KDM2B: variants seen among roughly 807,000 people sequenced by gnomAD.
KDM2B encodes lysine-specific demethylase 2B.
KDM2B carries 26 observed loss-of-function variants against 150.0 expected under a neutral mutation model. The observed-to-expected ratio is 0.17, with a 90% confidence interval of 0.13 to 0.24. The LOEUF (loss-of-function observed/expected upper bound fraction) is 0.24, where lower values mean the gene tolerates loss of function less well. Ranked by LOEUF, KDM2B falls within the 10% of genes least tolerant of loss-of-function variation. KDM2B has a pLI of 1.00. For synonymous variants in KDM2B, 734 were observed against 729.5 expected, an observed-to-expected ratio of 1.01 and a Z score of -0.10; for missense variants, 1,265 against 1,816.9, an observed-to-expected ratio of 0.70 and a Z score of 5.52.
At chr12:121,419,278 A>G in the KDM2B span, among the ~76,000 whole-genome samples, 1 of 152,226 alleles carries the variant, frequency 6.6e-6, no homozygotes, top group Non-Finnish European at 1.5e-5. Flanking sequence ...CATGCCCTAT[A>G]GCCTAGGTGT....
intron 12 of KDM2B, among the ~76,000 whole-genome samples, chr12:121,492,720 T>A (rs1390835959): frequency 6.6e-6 from 1 of 150,682 alleles, no homozygotes; most frequent in Non-Finnish European, 1.5e-5. Context: ...TCCCAGCTAC[T>A]CAGGAGACTG....
Position 121,431,295 on chromosome 12 carries a change from C to CTTT in KDM2B, c.3830-829_3830-827dup, listed in dbSNP as rs71453557. Among the ~76,000 whole-genome samples, 227 of 98,948 alleles carry CTTT rather than the reference C, an allele frequency of 2.3e-3. 18 individuals carry two copies. The highest frequency in any genetic ancestry group is 7.5e-3 in the African/African-American group (163 of 21,690). 64.9% of individuals were successfully genotyped at this position (98,948 alleles called of 152,430 possible). A position where few individuals can be genotyped will look rare whatever the true frequency, so the allele number is the denominator to read the frequency against. The stretch of plus-strand genomic sequence containing the variant: ...TATAGGCGTGTGCCACCATGTGCAA[C>CTTT]TTTTTTTTTTTTTTTTTTTTTTTTT... On this transcript the variant is annotated intron_variant, in intron 22 of 22. Coordinates refer to ENST00000377071, the MANE Select transcript of KDM2B (RefSeq NM_032590.5).
rs1594175175 is a variant in KDM2B at position 121,579,794 on chromosome 12, A to C, written c.127-848T>G. The C allele has an allele frequency of 6.3e-5, 75 of 1,198,830 alleles. 1 individual carries two copies. In the East Asian group the frequency reaches 2.3e-3, roughly 36 times the overall value. The allele number at this position is 1,198,830 out of a possible 1,614,324, so 74.3% of individuals were successfully genotyped here. A position where few individuals can be genotyped will look rare whatever the true frequency, so the allele number is the denominator to read the frequency against. On this transcript the variant is annotated intron_variant, in intron 1 of 22. Transcript: ENST00000377071. ...CCCCTCCACGCCTTTCCCCGATACC[A>C]CCTCCCCACTTAAGTGTCTGAGACT...
At chr12:121,496,840 C>G (rs947172960) in intron 11 of KDM2B, among the ~76,000 whole-genome samples, 1 of 151,248 alleles carries the variant, frequency 6.6e-6, no homozygotes. Flanking sequence ...AGGTGTGAGC[C>G]CCCCAAAGTG....
chr12:121,462,806 G>A (rs931270733), intron 12 of KDM2B, among the ~76,000 whole-genome samples: 2 of 151,978 alleles, frequency 1.3e-5, no homozygotes, highest in Non-Finnish European at 2.9e-5. Context: ...AAATTTCACT[G>A]TTTAAGAAGC....
At chr12:121,523,516 C>T (rs1260893195) in intron 8 of KDM2B, among the ~76,000 whole-genome samples, 7 of 152,216 alleles carry the variant, frequency 4.6e-5, no homozygotes, top group South Asian at 2.1e-4. Context: ...CCCCCAAGCC[C>T]GAGCGGTTCC....
rs534573156 is a variant in KDM2B, at chr12:121,533,557, T to C, written c.778-598A>G. Among the ~76,000 whole-genome samples, 2 of 152,224 alleles carry C rather than the reference T, an allele frequency of 1.3e-5. No homozygotes were observed. Among genetic ancestry groups the C allele is most frequent in the East Asian group, 3.9e-4 (2 of 5,184 alleles). On this transcript the variant is annotated intron_variant, in intron 7 of 22. Coordinates refer to ENST00000377071, the MANE Select transcript of KDM2B (RefSeq NM_032590.5). The surrounding 1 kb of genome is among the most constrained non-coding windows in gnomAD (Gnocchi z 4.1). Reference sequence around the variant, plus strand: ...CACAGGGAGCACCCTTAGCATTCTGTCCCCAGTGCAAAATGTTCCTAGAGG... The same window carrying C: ...CACAGGGAGCACCCTTAGCATTCTGCCCCCAGTGCAAAATGTTCCTAGAGG...
At position 121,467,321 on chromosome 12, in the gene KDM2B, C is replaced by A. The variant is rs1177938162; in HGVS notation, c.1735-13977G>T. Reference sequence around the variant, plus strand: ...GCCCTGGCTCGGGCTCGGGCTCGGGCTCGGGCTCCCGCTGCCGCGAGGAGG... The same window carrying A: ...GCCCTGGCTCGGGCTCGGGCTCGGGATCGGGCTCCCGCTGCCGCGAGGAGG... On this transcript the variant is annotated intron_variant, in intron 12 of 22. Transcript: ENST00000377071. The surrounding 1 kb of genome is among the most constrained non-coding windows in gnomAD (Gnocchi z 5.1). The A allele has an allele frequency of 7.5e-5, 74 of 982,882 alleles. No homozygotes were observed. In the African/African-American group the frequency reaches 1.2e-3, roughly 16 times the overall value. 60.9% of individuals were successfully genotyped at this position (982,882 alleles called of 1,614,324 possible). A position where few individuals can be genotyped will look rare whatever the true frequency, so the allele number is the denominator to read the frequency against.
chr12:121,411,721 G>A, the KDM2B span, among the ~76,000 whole-genome samples: 29 of 152,256 alleles, frequency 1.9e-4, no homozygotes, highest in South Asian at 5.6e-3. Context: ...ATACCATGGT[G>A]GAAAGAGGAG....
Position 121,575,132 on chromosome 12 carries a change from C to A in KDM2B, c.351-539G>T, listed in dbSNP as rs1229270209. ...ATGCCCAAGGTTTAAATCCTACTCA[C>A]AGGGATGGACTCTTGAGCAAGTCTG... On this transcript the variant is annotated intron_variant, in intron 3 of 22. Transcript: ENST00000377071. This position sits in a 1 kb window ranked among gnomAD's most constrained non-coding sequence, Gnocchi z 4.4. Among the ~76,000 whole-genome samples the A allele has an allele frequency of 6.6e-6, 1 of 152,230 alleles. No individual in the cohort carries two copies. The highest frequency in any genetic ancestry group is 1.5e-5 in the Non-Finnish European group (1 of 68,048).
At position 121,444,164 on chromosome 12, in the gene KDM2B, T is replaced by C; in HGVS notation, c.2299A>G (p.Arg767Gly). The stretch of plus-strand genomic sequence containing the variant: ...CGGGGCGCCTCCTCACACTCACTCC[T>C]CCGCTTGGCAGGTTCCTGCCCTTCC... ...NKEGQEPAKR[R>G]SECEEAPRRR... Residue 767 changes from arginine to glycine, a missense_variant, in exon 16 of 23, where the codon AGG becomes GGG. Transcript: ENST00000377071. 6.2e-7 allele frequency: 1 copy of C among 1,612,576 alleles called. No homozygotes were observed. Among genetic ancestry groups the C allele is most frequent in the Non-Finnish European group, 8.5e-7 (1 of 1,180,036 alleles).
the KDM2B span, among the ~76,000 whole-genome samples, chr12:121,413,864 C>G: frequency 6.6e-6 from 1 of 152,066 alleles, no homozygotes; most frequent in Non-Finnish European, 1.5e-5. Context: ...TGTGAGCCAC[C>G]GCGCCCGGCT....
Position 121,513,536 on chromosome 12 carries a change from G to C in KDM2B, c.1048-134C>G, listed in dbSNP as rs534796470. 1.6e-5 allele frequency: 16 copies of C among 991,298 alleles called. No homozygotes were observed. The highest frequency in any genetic ancestry group is 2.1e-5 in the Non-Finnish European group (14 of 667,732). 61.4% of individuals were successfully genotyped at this position (991,298 alleles called of 1,614,324 possible). ...TCTTAGCGAGAGCATGGATGGTCGG[G>C]GGAGAAATGGTGGGGTGCTGGAAGG... On this transcript the variant is annotated intron_variant, in intron 9 of 22. Coordinates refer to ENST00000377071, the MANE Select transcript of KDM2B (RefSeq NM_032590.5). The surrounding 1 kb of genome is among the most constrained non-coding windows in gnomAD (Gnocchi z 5.0).
At chr12:121,483,146 G>A (rs1882343784) in intron 12 of KDM2B, among the ~76,000 whole-genome samples, 1 of 151,682 alleles carries the variant, frequency 6.6e-6, no homozygotes, top group African/African-American at 2.4e-5. Flanking sequence ...CTGGGCAACA[G>A]AGCAAGACCC....
chr12:121,425,505 G>A (rs1323711869), downstream of KDM2B, among the ~76,000 whole-genome samples: 1 of 152,128 alleles, frequency 6.6e-6, no homozygotes, highest in African/African-American at 2.4e-5. Context: ...TGGGTGCTCA[G>A]AATTTATTAG....
intron 10 of KDM2B, among the ~76,000 whole-genome samples, chr12:121,510,792 C>CAAA (rs869198535): frequency 1.0e-5 from 1 of 98,770 alleles, no homozygotes; most frequent in Non-Finnish European, 1.9e-5. Flanking sequence ...GGCCCTGTCT[C>CAAA]AAAAAATAAT....
intron 12 of KDM2B, among the ~76,000 whole-genome samples, chr12:121,464,860 C>G (rs192923560): frequency 1.1e-4 from 17 of 152,274 alleles, no homozygotes; most frequent in Non-Finnish European, 1.6e-4. Context: ...CAGAGACCCT[C>G]GCTGTGCTTT....
the KDM2B span, among the ~76,000 whole-genome samples, chr12:121,411,417 T>C: frequency 6.6e-6 from 1 of 152,168 alleles, no homozygotes; most frequent in Non-Finnish European, 1.5e-5. Flanking sequence ...TTCTATTCCC[T>C]TTACCAGAGC....
At chr12:121,462,476 GC>G (rs1393565817) in intron 12 of KDM2B, among the ~76,000 whole-genome samples, 21 of 152,080 alleles carry the variant, frequency 1.4e-4, no homozygotes, top group African/African-American at 4.8e-4. Flanking sequence ...AGGATCAGAG[GC>G]CCCTGTCTTA....
Sources: gnomAD v4.1 joint callset for allele counts (sites outside exome capture counted in the v4.1 genomes callset) on GRCh38, gnomAD v4.1.1 for gene constraint, Gnocchi (gnomAD v3.1) non-coding constraint, MANE v1.5 for transcripts, NCBI Gene and HGNC (gene_info 2026-07-23, HGNC 2026-07-21) for gene names.